Variants in FILIP1 observed in about 807,000 individuals in gnomAD.
FILIP1 encodes filamin-A-interacting protein 1.
Under a neutral mutation model 102.1 loss-of-function variants are expected in FILIP1, and 61 were observed. The ratio of observed to expected loss-of-function variants is 0.60; its 90% confidence interval spans 0.49 to 0.74. The LOEUF (loss-of-function observed/expected upper bound fraction) is 0.74. FILIP1 is among the 30% of genes least tolerant of loss of function. The pLI is 0.00. For missense variants in FILIP1, 1,314 were observed against 1,441.2 expected, an observed-to-expected ratio of 0.91 and a Z score of 1.43; for synonymous variants, 491 against 526.9, an observed-to-expected ratio of 0.93 and a Z score of 0.93.
At chr6:75,318,228 CTTT>C (rs35536817) in intron 4 of FILIP1, among the ~76,000 whole-genome samples, 15 of 102,882 alleles carry the variant, frequency 1.5e-4, no homozygotes, top group Middle Eastern at 5.8e-3. Context: ...ATTATACAGT[CTTT>C]TTTTTTTTTT....
chr6:75,342,156 G>A (rs2149589578), intron 4 of FILIP1, among the ~76,000 whole-genome samples: 1 of 152,300 alleles, frequency 6.6e-6, no homozygotes, highest in Middle Eastern at 3.4e-3. Context: ...TGAAATGCAG[G>A]AGACTAAGAA....
At chr6:75,424,355 C>A (rs1337508836) in intron 1 of FILIP1, among the ~76,000 whole-genome samples, 4 of 152,138 alleles carry the variant, frequency 2.6e-5, no homozygotes, top group East Asian at 1.9e-4. Context: ...AAAATTTTTT[C>A]TTTTATTTGT....
intron 1 of FILIP1, among the ~76,000 whole-genome samples, chr6:75,444,152 C>T (rs941018867): frequency 3.3e-5 from 5 of 152,160 alleles, no homozygotes; most frequent in African/African-American, 1.2e-4. Context: ...GCATTGATCC[C>T]ACCAAAAAAT....
Position 75,353,707 on chromosome 6 carries a change from AGTCT to A in FILIP1, c.457_460del (p.Arg153LeufsTer13). 6.2e-7 allele frequency: 1 copy of A among 1,613,388 alleles called. No homozygotes were observed. The highest frequency in any genetic ancestry group is 8.5e-7 in the Non-Finnish European group (1 of 1,180,010). On this transcript the variant is annotated frameshift_variant, in exon 4 of 6. Transcript: ENST00000237172. LOFTEE classifies it high-confidence loss of function. ...GTAGGTTTCTTTCTGTTTTTCCTCA[AGTCT>A]GTCCAGCTGAATAAGCAAACATGGG...
At chr6:75,371,889 T>C (rs1230513787) in intron 2 of FILIP1, among the ~76,000 whole-genome samples, 2 of 152,234 alleles carry the variant, frequency 1.3e-5, no homozygotes, top group African/African-American at 2.4e-5. Flanking sequence ...AGTTCCATGA[T>C]ATTGGATATA....
intron 2 of FILIP1, among the ~76,000 whole-genome samples, chr6:75,409,242 T>C (rs1322007081): frequency 1.3e-5 from 2 of 152,218 alleles, no homozygotes; most frequent in African/African-American, 4.8e-5. Context: ...TTTAGAACTC[T>C]ACATTGCTGT....
intron 4 of FILIP1, among the ~76,000 whole-genome samples, chr6:75,321,926 A>T (rs1238206314): frequency 1.3e-5 from 2 of 152,130 alleles, no homozygotes; most frequent in Non-Finnish European, 2.9e-5. Context: ...AATTAGAAGG[A>T]CCTATGGAAG....
At chr6:75,349,256 T>C (rs1452691026) in intron 4 of FILIP1, among the ~76,000 whole-genome samples, 1 of 152,180 alleles carries the variant, frequency 6.6e-6, no homozygotes, top group African/African-American at 2.4e-5. Context: ...TAACCATTTT[T>C]CTGGAAGAGG....
In FILIP1 at chr6:75,414,866, G is replaced by A; in HGVS notation, c.107C>T (p.Ala36Val). Reference protein sequence around the residue: ...NAGEKSLSEDAKKKKKSNRKE... With the variant: ...NAGEKSLSEDVKKKKKSNRKE... ...CCTATTTGATTTCTTCTTCTTTTTTGCATCTTCTGAGAGACTTTTTTCACC... is the reference window on the plus strand; with the variant it reads ...CCTATTTGATTTCTTCTTCTTTTTTACATCTTCTGAGAGACTTTTTTCACC... The change falls in exon 2 of 6, where the codon GCA becomes GTA. Residue 36 changes from alanine (A) to valine (V), a missense_variant. Around this residue, in one of 3 missense-constraint regions of FILIP1, gnomAD observed 494 missense variants for 511.2 expected, o/e 0.97. Transcript: ENST00000237172. The A allele has an allele frequency of 6.2e-7, 1 of 1,613,696 alleles. No homozygotes were observed. The highest frequency in any genetic ancestry group is 1.1e-5 in the South Asian group (1 of 91,058).
At chr6:75,418,799 A>G (rs536139986) in intron 1 of FILIP1, among the ~76,000 whole-genome samples, 47 of 152,354 alleles carry the variant, frequency 3.1e-4, no homozygotes, top group African/African-American at 1.1e-3. Context: ...TGTTAACTGG[A>G]GCACAGATGC....
At chr6:75,375,229 G>C (rs1196818949) in intron 2 of FILIP1, among the ~76,000 whole-genome samples, 3 of 152,234 alleles carry the variant, frequency 2.0e-5, no homozygotes, top group African/African-American at 7.2e-5. Flanking sequence ...TGGTAAATTA[G>C]AATTCAAAGC....
intron 1 of FILIP1, among the ~76,000 whole-genome samples, chr6:75,475,449 T>C (rs1199912706): frequency 6.6e-6 from 1 of 152,190 alleles, no homozygotes; most frequent in Non-Finnish European, 1.5e-5. Flanking sequence ...CATCCCTTGT[T>C]CCACCATTCC....
rs1264805981 is a variant in FILIP1 at position 75,312,943 on chromosome 6, T to C, written c.2889A>G (p.Gln963=). 3 of 1,614,070 alleles carry C rather than the reference T, an allele frequency of 1.9e-6. No homozygotes were observed. Among genetic ancestry groups the C allele is most frequent in the Middle Eastern group, 1.6e-4 (1 of 6,082 alleles). ...GAGTAGTATCTCCACTTTTTTGTTTTTGAGGCATAACGTTTGGTGATGGAA... is the reference window on the plus strand; with the variant it reads ...GAGTAGTATCTCCACTTTTTTGTTTCTGAGGCATAACGTTTGGTGATGGAA... ...TIIPSPNVMP[Q]KQKSGDTTLG... is the part of the protein sequence containing the mutation. The change falls in exon 5 of 6, where the codon CAA becomes CAG. Residue 963 remains glutamine (Q), a synonymous_variant. Transcript: ENST00000237172.
intron 1 of FILIP1, among the ~76,000 whole-genome samples, chr6:75,459,828 A>C (rs2149748488): frequency 6.6e-6 from 1 of 152,336 alleles, no homozygotes; most frequent in East Asian, 1.9e-4. Context: ...GAATTAGAAG[A>C]TAATTTTCAG....
rs543433802 is a variant in FILIP1 at position 75,380,830 on chromosome 6, C to T, written c.277-17913G>A. Among the ~76,000 whole-genome samples, 4 of 152,090 alleles carry T rather than the reference C, an allele frequency of 2.6e-5. No homozygotes were observed. The East Asian group carries it at 7.7e-4, about 29-fold the overall frequency. On this transcript the variant is annotated intron_variant, in intron 2 of 5. Coordinates refer to ENST00000237172, the MANE Select transcript of FILIP1 (RefSeq NM_015687.5). ...TAAAGTTGCATATATACTGTGCTTG[C>T]AATTATGGAAAAAATACATGTGAAG...
chr6:75,442,107 T>C lies in FILIP1; in HGVS notation c.-6-27129A>G, dbSNP rs190311636. 8.0e-3 allele frequency among the ~76,000 whole-genome samples: 1,213 copies of C among 151,468 alleles called. 17 individuals carry two copies. Among genetic ancestry groups the C allele is most frequent in the African/African-American group, 0.028 (1,135 of 41,110 alleles). On this transcript the variant is annotated intron_variant, in intron 1 of 5. Transcript: ENST00000237172. ...CGGCCGGGCAGAGACGCTCCTCACCTCCCAGATGGGGCGGCGGAGCAGAGG... is the reference window on the plus strand; with the variant it reads ...CGGCCGGGCAGAGACGCTCCTCACCCCCCAGATGGGGCGGCGGAGCAGAGG...
exon 7 of FILIP1, chr6:75,295,872 GGTC>G: frequency 7.4e-7 from 1 of 1,350,960 alleles, no homozygotes; most frequent in Non-Finnish European, 9.5e-7. Flanking sequence ...GGGATTCAGA[GGTC>G]GTACACACAC....
intron 2 of FILIP1, among the ~76,000 whole-genome samples, chr6:75,384,272 T>C (rs532416899): frequency 1.9e-4 from 29 of 152,356 alleles, no homozygotes; most frequent in African/African-American, 7.0e-4. Context: ...CAATTTCCAC[T>C]GTGATTTATG....
chr6:75,347,851 C>A (rs1347077051), intron 4 of FILIP1, among the ~76,000 whole-genome samples: 2 of 152,192 alleles, frequency 1.3e-5, no homozygotes, highest in Non-Finnish European at 2.9e-5. Context: ...ATTCAAACCC[C>A]TGCTCTTACA....
Sources: allele counts gnomAD v4.1 joint callset (sites outside exome capture counted in the v4.1 genomes callset), GRCh38; gene constraint gnomAD v4.1.1; regional missense constraint gnomAD v4.1.1; transcripts MANE v1.5; gene names NCBI Gene and HGNC (gene_info 2026-07-23, HGNC 2026-07-21).